ZNF407: variants seen among roughly 807,000 people sequenced by gnomAD.
ZNF407 encodes zinc finger protein 407.
Under a neutral mutation model 131.2 loss-of-function variants are expected in ZNF407, and 17 were observed. The observed-to-expected ratio is 0.13, with a 90% CI of 0.09 to 0.19. The LOEUF is 0.19. Among genes scored for constraint, ZNF407 ranks in the 10% least tolerant of loss-of-function variants. The probability of loss-of-function intolerance (pLI) is 1.00; values close to 1 mark genes in which losing one functional copy is unlikely to be tolerated. For synonymous variants in ZNF407, 1,156 were observed against 1,062.0 expected (o/e 1.09, Z -1.72); for missense variants, 2,681 against 2,830.6 (o/e 0.95, Z 1.20).
chr18:75,046,254 G>A (rs1223868975), intron 8 of ZNF407, among the ~76,000 whole-genome samples: 1 of 152,158 alleles, frequency 6.6e-6, no homozygotes, highest in Non-Finnish European at 1.5e-5. Context: ...ACTGTATCAT[G>A]TTTCCTATAG....
At chr18:74,746,186 G>A (rs772350167) in intron 3 of ZNF407, among the ~76,000 whole-genome samples, 6 of 152,088 alleles carry the variant, frequency 3.9e-5, no homozygotes, top group East Asian at 1.9e-4. Flanking sequence ...AGTACAGTAC[G>A]AAAGATAAAA....
chr18:74,892,269 T>A (rs900794241), intron 7 of ZNF407, among the ~76,000 whole-genome samples: 1 of 151,950 alleles, frequency 6.6e-6, no homozygotes, highest in Admixed American at 6.6e-5. Flanking sequence ...TCATGAGGAG[T>A]GCAAGCCATG....
At chr18:74,872,417 ATTGT>A (rs1365358222) in intron 4 of ZNF407, among the ~76,000 whole-genome samples, 1 of 152,060 alleles carries the variant, frequency 6.6e-6, no homozygotes, top group Non-Finnish European at 1.5e-5. Context: ...GATTAAATTC[ATTGT>A]TTGTCTACTC....
chr18:74,753,646 T>A (rs1968859404), intron 3 of ZNF407, among the ~76,000 whole-genome samples: 1 of 152,234 alleles, frequency 6.6e-6, no homozygotes, highest in Admixed American at 6.5e-5. Context: ...GTTTATATGA[T>A]GGATTACGTT....
At chr18:74,944,251 T>G (rs1329784614) in intron 8 of ZNF407, among the ~76,000 whole-genome samples, 1 of 152,204 alleles carries the variant, frequency 6.6e-6, no homozygotes, top group Non-Finnish European at 1.5e-5. Context: ...GTCTGTTAAT[T>G]TACACCGATT....
intron 8 of ZNF407, among the ~76,000 whole-genome samples, chr18:74,926,609 C>T (rs1971917455): frequency 6.6e-6 from 1 of 152,128 alleles, no homozygotes; most frequent in African/African-American, 2.4e-5. Flanking sequence ...TCGAGACCAG[C>T]CTGGCCAATG....
At chr18:74,811,869 T>C (rs1970200925) in intron 4 of ZNF407, among the ~76,000 whole-genome samples, 1 of 137,478 alleles carries the variant, frequency 7.3e-6, no homozygotes. Flanking sequence ...CTCTGAGGGC[T>C]GTTGTGGGGT....
intron 1 of ZNF407, among the ~76,000 whole-genome samples, chr18:74,599,769 T>G (rs966979809): frequency 6.6e-6 from 1 of 152,240 alleles, no homozygotes; most frequent in Non-Finnish European, 1.5e-5. Context: ...AGTTTGATTC[T>G]TCTCTTTCTC....
At chr18:74,702,357 G>A (rs1041323974) in intron 3 of ZNF407, among the ~76,000 whole-genome samples, 2 of 152,076 alleles carry the variant, frequency 1.3e-5, no homozygotes, top group African/African-American at 2.4e-5. Flanking sequence ...TAATAGGGAA[G>A]TAATTCATCT....
At chr18:74,813,912 A>T (rs1970233198) in intron 4 of ZNF407, among the ~76,000 whole-genome samples, 1 of 152,180 alleles carries the variant, frequency 6.6e-6, no homozygotes, top group African/African-American at 2.4e-5. Flanking sequence ...TTTACTAATT[A>T]GTCTTTAAAA....
chr18:74,814,135 A>C (rs1050854203), intron 4 of ZNF407, among the ~76,000 whole-genome samples: 16 of 151,856 alleles, frequency 1.1e-4, no homozygotes, highest in African/African-American at 3.6e-4. Flanking sequence ...TTTGTTTGTG[A>C]GTTTGTTTTT....
chr18:74,908,771 C>T (rs1442526655), intron 7 of ZNF407, among the ~76,000 whole-genome samples: 1 of 152,092 alleles, frequency 6.6e-6, no homozygotes, highest in Non-Finnish European at 1.5e-5. Flanking sequence ...GTGAAACAAG[C>T]TCCGAGTTTA....
intron 4 of ZNF407, among the ~76,000 whole-genome samples, chr18:74,841,872 A>G (rs1216041024): frequency 6.6e-6 from 1 of 152,254 alleles, no homozygotes; most frequent in African/African-American, 2.4e-5. Context: ...ATTAGGAACT[A>G]TGAATCCTTC....
intron 8 of ZNF407, among the ~76,000 whole-genome samples, chr18:75,002,573 C>A (rs567776210): frequency 6.6e-6 from 1 of 152,068 alleles, no homozygotes; most frequent in Non-Finnish European, 1.5e-5. Flanking sequence ...GAGGACAAGG[C>A]GGGTGGATCA....
intron 7 of ZNF407, among the ~76,000 whole-genome samples, chr18:74,892,574 G>T (rs977888297): frequency 2.6e-5 from 4 of 152,160 alleles, no homozygotes; most frequent in Non-Finnish European, 4.4e-5. Flanking sequence ...ATGCAGGAGT[G>T]TCCATGTCCT....
At chr18:74,874,823 G>A (rs1971133730) in intron 4 of ZNF407, among the ~76,000 whole-genome samples, 1 of 151,960 alleles carries the variant, frequency 6.6e-6, no homozygotes, top group African/African-American at 2.4e-5. Context: ...AGCCAAACCT[G>A]ACTCCTCTCT....
chr18:74,641,766 G>A (rs371155592), intron 3 of ZNF407, among the ~76,000 whole-genome samples: 3 of 152,178 alleles, frequency 2.0e-5, no homozygotes, highest in East Asian at 3.8e-4. Flanking sequence ...ATGCAAAACT[G>A]ATTAATTTAG....
chr18:74,877,078 A>G (rs1175263003), intron 4 of ZNF407, 119 bp from the exon 5 acceptor site: 2 of 802,600 alleles, frequency 2.5e-6, no homozygotes, highest in East Asian at 4.9e-5. Context: ...CCAGGCCTGC[A>G]GTGCTCCTCG....
chr18:74,993,459 G>T (rs1309040927), intron 8 of ZNF407, among the ~76,000 whole-genome samples: 1 of 152,184 alleles, frequency 6.6e-6, no homozygotes, highest in Non-Finnish European at 1.5e-5. Context: ...AGGGTTGTAA[G>T]CCAGAGCTGT....
Sources: gnomAD v4.1 joint callset for allele counts (sites outside exome capture counted in the v4.1 genomes callset) on GRCh38, gnomAD v4.1.1 for gene constraint, MANE v1.5 for transcripts, NCBI Gene and HGNC (gene_info 2026-07-23, HGNC 2026-07-21) for gene names.